The following MYH16 variants were observed in gnomAD, a reference collection of about 807,000 sequenced individuals.
The protein encoded by MYH16 is myosin heavy chain 16.
At chr7:99,277,270 AC>A (rs1163319789) in intron 20 of MYH16, among the ~76,000 whole-genome samples, 1 of 152,114 alleles carries the variant, frequency 6.6e-6, no homozygotes, top group Non-Finnish European at 1.5e-5. Context: ...AGGACACCTA[AC>A]TCCATGTCCC....
rs538500428 is a variant in MYH16, at chr7:99,296,772, G to A, written n.4354G>A. ...ACAAGATGCTGGCTGAGTGGCAGCA[G>A]AAGTGTGAGGAGTTGCAGGTGGAAG... On this transcript the variant is annotated non_coding_transcript_exon_variant, in exon 34 of 42. Coordinates refer to ENST00000439784, the Ensembl canonical transcript of MYH16. 277 of 456,666 alleles carry A rather than the reference G, an allele frequency of 6.1e-4. 1 individual carries two copies. Among genetic ancestry groups the A allele is most frequent in the African/African-American group, 5.0e-3 (252 of 50,174 alleles). The allele number at this position is 456,666 out of a possible 1,614,324, so 28.3% of individuals were successfully genotyped here. A position where few individuals can be genotyped will look rare whatever the true frequency, so the allele number is the denominator to read the frequency against.
chr7:99,295,053 G>A (rs1562785707), intron 33 of MYH16, among the ~76,000 whole-genome samples: 2 of 150,828 alleles, frequency 1.3e-5, no homozygotes, highest in Non-Finnish European at 3.0e-5. Flanking sequence ...AAATAAATAG[G>A]GTCACAAGCA....
intron 1 of MYH16, among the ~76,000 whole-genome samples, chr7:99,241,173 G>A (rs1791662995): frequency 1.3e-5 from 2 of 152,218 alleles, no homozygotes; most frequent in African/African-American, 4.8e-5. Flanking sequence ...TGTGGCGCTG[G>A]CTTCCCTGGC....
intron 37 of MYH16, among the ~76,000 whole-genome samples, chr7:99,300,323 GAACAC>G (rs1387450588): frequency 1.3e-5 from 2 of 152,078 alleles, no homozygotes. Context: ...GAGAAATGAA[GAACAC>G]AACAAAACTC....
chr7:99,276,217 C>T (rs1459851513), intron 20 of MYH16, among the ~76,000 whole-genome samples: 2 of 152,202 alleles, frequency 1.3e-5, no homozygotes. Context: ...CCAGCTTTGC[C>T]ACTGTGACAT....
intron 1 of MYH16, among the ~76,000 whole-genome samples, chr7:99,240,755 G>T (rs1295942894): frequency 2.0e-5 from 3 of 151,628 alleles, no homozygotes; most frequent in Non-Finnish European, 4.4e-5. Flanking sequence ...CAGGAGAATC[G>T]CTTGAGCCCA....
intron 21 of MYH16, among the ~76,000 whole-genome samples, chr7:99,278,846 T>C (rs1435013490): frequency 2.0e-5 from 3 of 152,204 alleles, no homozygotes; most frequent in African/African-American, 7.2e-5. Context: ...CTTGAACTGA[T>C]ATCCCCATTT....
chr7:99,274,592 C>T (rs1249110170), intron 20 of MYH16, among the ~76,000 whole-genome samples: 1 of 151,956 alleles, frequency 6.6e-6, no homozygotes, highest in Non-Finnish European at 1.5e-5. Context: ...GTGAGCATGT[C>T]TCAAAGGCCA....
intron 14 of MYH16, among the ~76,000 whole-genome samples, chr7:99,263,828 A>G (rs375940539): frequency 5.7e-4 from 87 of 152,264 alleles, no homozygotes; most frequent in Non-Finnish European, 8.5e-4. Flanking sequence ...CTCTCTTCCA[A>G]TAGAGGTCAT....
intron 37 of MYH16, among the ~76,000 whole-genome samples, chr7:99,300,735 G>A (rs6958704): frequency 0.28 from 43,054 of 152,012 alleles, 11,376 homozygotes; most frequent in African/African-American, 0.71. Flanking sequence ...GAGCCCAGGA[G>A]TTGGAGATTG....
At chr7:99,272,978 C>G (rs1257241253) in intron 19 of MYH16, among the ~76,000 whole-genome samples, 4 of 152,136 alleles carry the variant, frequency 2.6e-5, no homozygotes, top group Non-Finnish European at 5.9e-5. Context: ...CTGCAGGGAA[C>G]AAGAAACGGG....
intron 8 of MYH16, among the ~76,000 whole-genome samples, chr7:99,255,202 G>C (rs968138272): frequency 2.0e-5 from 3 of 152,170 alleles, no homozygotes; most frequent in Non-Finnish European, 2.9e-5. Context: ...CCAGGAGGCA[G>C]AGGTTGCAGT....
intron 39 of MYH16, among the ~76,000 whole-genome samples, chr7:99,303,470 G>A (rs984844200): frequency 1.3e-5 from 2 of 152,268 alleles, no homozygotes; most frequent in African/African-American, 4.8e-5. Flanking sequence ...ATCAAAGTGG[G>A]TTCATCTGGG....
chr7:99,272,875 T>G lies in MYH16; in HGVS notation n.2404-467T>G, dbSNP rs146560694. ...TGCAGCCCTGGACTGAAGGCAGGGA[T>G]ACCAGTTAGGGGCTGATGTGAGGGA... On this transcript the variant is annotated intron_variant and non_coding_transcript_variant, in intron 19 of 41. Transcript: ENST00000439784. 5.2e-3 allele frequency among the ~76,000 whole-genome samples: 792 copies of G among 152,326 alleles called. 8 individuals are homozygous for G. Among genetic ancestry groups the G allele is most frequent in the African/African-American group, 0.018 (756 of 41,582 alleles).
chr7:99,251,717 C>T (rs1015028256), intron 6 of MYH16, among the ~76,000 whole-genome samples: 3 of 152,196 alleles, frequency 2.0e-5, no homozygotes, highest in Non-Finnish European at 4.4e-5. Context: ...CTCCTGTAAT[C>T]CCAGCACTTT....
At chr7:99,275,689 T>C (rs1317438172) in intron 20 of MYH16, among the ~76,000 whole-genome samples, 4 of 152,220 alleles carry the variant, frequency 2.6e-5, no homozygotes, top group Non-Finnish European at 4.4e-5. Context: ...TAAACTCCCC[T>C]GCTTGTTACT....
At chr7:99,240,603 C>A (rs141100833) in intron 1 of MYH16, among the ~76,000 whole-genome samples, 2,008 of 152,276 alleles carry the variant, frequency 0.013, 49 homozygotes, top group African/African-American at 0.047. Flanking sequence ...GTAATCCCAG[C>A]ACTTTGGGAG....
At chr7:99,268,204 T>C (rs1792006126) in intron 18 of MYH16, among the ~76,000 whole-genome samples, 1 of 152,222 alleles carries the variant, frequency 6.6e-6, no homozygotes. Flanking sequence ...ACAATTAAGA[T>C]GTGCTGTAAA....
chr7:99,279,612 G>T (rs1441376901), exon 22 of MYH16: 1 of 456,670 alleles, frequency 2.2e-6, no homozygotes, highest in Non-Finnish European at 4.4e-6. Context: ...GCGGCTGGAG[G>T]AGGAAGAGGG....
Sources: gnomAD v4.1 joint callset for allele counts (sites outside exome capture counted in the v4.1 genomes callset) on GRCh38, gnomAD v4.1.1 for gene constraint, MANE v1.5 for transcripts, NCBI Gene and HGNC (gene_info 2026-07-23, HGNC 2026-07-21) for gene names.